The following SPAST variants were observed in gnomAD, a reference collection of about 807,000 sequenced individuals.
SPAST encodes spastic paraplegia 4 (autosomal dominant; spastin).
SPAST carries 30 observed loss-of-function variants against 76.6 expected under a neutral mutation model. The observed-to-expected ratio is 0.39, with a 90% CI of 0.29 to 0.53. The LOEUF (loss-of-function observed/expected upper bound fraction) is 0.53, where lower values mean the gene tolerates loss of function less well. Among genes scored for constraint, SPAST ranks in the 20% least tolerant of loss-of-function variants. The probability of loss-of-function intolerance (pLI) is 0.68; values close to 1 mark genes in which losing one functional copy is unlikely to be tolerated. For missense variants in SPAST, 717 were observed against 770.5 expected, an observed-to-expected ratio of 0.93 and a Z score of 0.82; for synonymous variants, 305 against 281.0, an observed-to-expected ratio of 1.09 and a Z score of -0.86.
chr2:32,064,304 C>CG, intron 1 of SPAST, 58 bp downstream of exon 1: 1 of 362,238 alleles, frequency 2.8e-6, no homozygotes, highest in Non-Finnish European at 5.1e-6. Context: ...GTGGGGTCGC[C>CG]GGGGGAGGGC....
At chr2:32,144,803 C>G in intron 14 of SPAST, 134 bp from the exon 15 acceptor site, 1 of 667,806 alleles carries the variant, frequency 1.5e-6, no homozygotes, top group Non-Finnish European at 2.8e-6. Flanking sequence ...GTAGGAGAAT[C>G]GCTCCAGGAG....
intron 1 of SPAST, among the ~76,000 whole-genome samples, chr2:32,079,946 T>C (rs1366720243): frequency 2.0e-5 from 3 of 152,180 alleles, no homozygotes; most frequent in African/African-American, 7.2e-5. Context: ...TTTGGATATA[T>C]ACCTAGGAGT....
At chr2:32,127,221 G>C (rs1456063380) in intron 8 of SPAST, 199 bp downstream of exon 8, 1 of 556,948 alleles carries the variant, frequency 1.8e-6, no homozygotes, top group African/African-American at 1.9e-5. Flanking sequence ...GGGTTCAAGC[G>C]ATTTTCATGC....
chr2:32,121,973 T>C (rs1207302414), intron 7 of SPAST, among the ~76,000 whole-genome samples: 2 of 152,232 alleles, frequency 1.3e-5, no homozygotes, highest in Admixed American at 6.5e-5. Context: ...CTTTTTCATA[T>C]TGGAAGCTTC....
intron 1 of SPAST, chr2:32,077,930 C>T (rs957084543): frequency 2.0e-5 from 3 of 151,422 alleles, no homozygotes; most frequent in East Asian, 1.9e-4. Flanking sequence ...GCCAGGAGTT[C>T]GAGACTAGCC....
chr2:32,100,928 C>T (rs1196385456), intron 4 of SPAST, among the ~76,000 whole-genome samples: 4 of 152,178 alleles, frequency 2.6e-5, no homozygotes, highest in African/African-American at 9.7e-5. Flanking sequence ...CATACATGTG[C>T]ATGTGTCTTT....
chr2:32,087,647 CTATT>C lies in SPAST; in HGVS notation c.502+87_502+90del, dbSNP rs202142071. 2.2e-4 allele frequency: 111 copies of C among 515,816 alleles called. 1 individual carries two copies. In the East Asian group the frequency reaches 2.4e-3, roughly 11 times the overall value. The allele number at this position is 515,816 out of a possible 1,614,324, so 32.0% of individuals were successfully genotyped here. On this transcript the variant is annotated intron_variant, in intron 2 of 16. Coordinates refer to ENST00000315285, the MANE Select transcript of SPAST (RefSeq NM_014946.4). ...TCACATGATTGTCCAGATTTCAGATCTATTTATTTATTTATTTATTTTTCTTTCT... is the reference window on the plus strand; with the variant it reads ...TCACATGATTGTCCAGATTTCAGATCTATTTATTTATTTATTTTTCTTTCT...
chr2:32,144,869 AG>A, intron 14 of SPAST, 67 bp from the exon 15 acceptor site: 3 of 1,066,910 alleles, frequency 2.8e-6, no homozygotes, highest in Non-Finnish European at 4.3e-6. Context: ...GGGCAACAAG[AG>A]CAAAACTCCA....
intron 3 of SPAST, 81 bp from the exon 4 acceptor site, chr2:32,098,715 T>A: frequency 1.1e-6 from 1 of 935,052 alleles, no homozygotes; most frequent in South Asian, 1.4e-5. Flanking sequence ...TAATTTGTCA[T>A]TTCACATGCA....
At chr2:32,087,063 A>G (rs185522473) in intron 1 of SPAST, among the ~76,000 whole-genome samples, 152 of 152,268 alleles carry the variant, frequency 1.0e-3, no homozygotes, top group Middle Eastern at 6.8e-3. Context: ...TTAAATAAAA[A>G]CTTCCTCTAG....
rs748788182 is a variant in SPAST, at chr2:32,136,920, C to T, written c.1365C>T (p.His455=). The part of the protein sequence containing the change: ...SLLCERREGE[H]DASRRLKTEF... ...TGTGTGAAAGAAGAGAAGGGGAGCA[C>T]GATGCTAGTAGACGCCTAAAAACTG... Residue 455 remains histidine, a synonymous_variant, in exon 11 of 17, where the codon CAC becomes CAT. Coordinates refer to ENST00000315285, the MANE Select transcript of SPAST (RefSeq NM_014946.4). 5 of 1,613,532 alleles carry T rather than the reference C, an allele frequency of 3.1e-6. No individual in the cohort carries two copies. Among genetic ancestry groups the T allele is most frequent in the African/African-American group, 1.3e-5 (1 of 74,848 alleles).
At chr2:32,077,023 C>T (rs1676989303) in intron 1 of SPAST, among the ~76,000 whole-genome samples, 1 of 152,088 alleles carries the variant, frequency 6.6e-6, no homozygotes, top group Admixed American at 6.6e-5. Flanking sequence ...TTACAGGCGC[C>T]TGCCACCATG....
At chr2:32,065,134 C>G (rs1157639177) in intron 1 of SPAST, among the ~76,000 whole-genome samples, 1 of 152,114 alleles carries the variant, frequency 6.6e-6, no homozygotes, top group East Asian at 1.9e-4. Flanking sequence ...ATTCTCCTGC[C>G]TCAGCCTCCC....
intron 4 of SPAST, among the ~76,000 whole-genome samples, chr2:32,109,979 T>C (rs1678479399): frequency 6.7e-6 from 1 of 148,550 alleles, no homozygotes; most frequent in Non-Finnish European, 1.5e-5. Context: ...TATACATATA[T>C]AGTTATATAT....
intron 4 of SPAST, among the ~76,000 whole-genome samples, chr2:32,113,938 TG>T (rs1312115358): frequency 6.6e-6 from 1 of 151,832 alleles, no homozygotes; most frequent in Non-Finnish European, 1.5e-5. Context: ...TACTGTTTTT[TG>T]TTTTTTTGTT....
intron 1 of SPAST, among the ~76,000 whole-genome samples, chr2:32,075,887 C>A (rs939714669): frequency 2.3e-3 from 236 of 101,124 alleles, no homozygotes; most frequent in Middle Eastern, 0.022. Context: ...ATGAAAAATT[C>A]AAAATGCTCT....
chr2:32,092,736 G>A (rs1255205192), intron 3 of SPAST, among the ~76,000 whole-genome samples: 1 of 152,020 alleles, frequency 6.6e-6, no homozygotes, highest in Non-Finnish European at 1.5e-5. Flanking sequence ...GGCTGGGCGC[G>A]GTGGCTCACA....
rs1365890707 is a variant in SPAST, at chr2:32,155,156, A to T, written c.*660A>T. On this transcript the variant is annotated 3_prime_UTR_variant, in exon 17 of 17. Transcript: ENST00000315285. ...TACCTTGCTACCAAACAGTTTAGATAGCAATATAATAGCAAAAAAGCAAAT... is the reference window on the plus strand; with the variant it reads ...TACCTTGCTACCAAACAGTTTAGATTGCAATATAATAGCAAAAAAGCAAAT... 1 of 153,084 alleles carries T rather than the reference A, an allele frequency of 6.5e-6. No individual in the cohort carries two copies. The highest frequency in any genetic ancestry group is 1.5e-5 in the Non-Finnish European group (1 of 68,414). 9.5% of individuals were successfully genotyped at this position (153,084 alleles called of 1,614,324 possible).
At chr2:32,098,930 C>T (rs1678019280) in intron 4 of SPAST, 39 bp downstream of exon 4, 2 of 1,330,624 alleles carry the variant, frequency 1.5e-6, no homozygotes, top group East Asian at 2.3e-5. Flanking sequence ...ATAAAGCTTG[C>T]ATGCAAAGTA....
Sources: gnomAD v4.1 joint callset for allele counts (sites outside exome capture counted in the v4.1 genomes callset) on GRCh38, gnomAD v4.1.1 for gene constraint, MANE v1.5 for transcripts, NCBI Gene and HGNC (gene_info 2026-07-23, HGNC 2026-07-21) for gene names.